The following FSTL4 variants were observed in gnomAD, a reference collection of about 807,000 sequenced individuals.
FSTL4 encodes the protein follistatin-related protein 4.
In FSTL4, 28 loss-of-function variants were observed where a neutral mutation model predicts 78.2. That is an observed-to-expected ratio of 0.36 (90% CI 0.27 to 0.49). The LOEUF (loss-of-function observed/expected upper bound fraction) is 0.49. Among genes scored for constraint, FSTL4 ranks in the 20% least tolerant of loss-of-function variants. The pLI is 0.98. For synonymous variants in FSTL4, 422 were observed against 440.5 expected (o/e 0.96, Z 0.53); for missense variants, 922 against 1,084.9 (o/e 0.85, Z 2.11).
chr5:133,354,466 T>C (rs889771302), intron 4 of FSTL4, among the ~76,000 whole-genome samples: 3 of 152,208 alleles, frequency 2.0e-5, no homozygotes, highest in Non-Finnish European at 2.9e-5. Context: ...AGTTTTGACA[T>C]GCAGAGGACA....
intron 3 of FSTL4, among the ~76,000 whole-genome samples, chr5:133,466,937 AGTGT>A (rs954482504): frequency 3.0e-4 from 45 of 148,436 alleles, no homozygotes; most frequent in African/African-American, 8.6e-4. Flanking sequence ...TGAGAATATG[AGTGT>A]GTGAGTACGA....
chr5:133,792,846 C>G, the FSTL4 span, among the ~76,000 whole-genome samples: 1 of 152,088 alleles, frequency 6.6e-6, no homozygotes, highest in Non-Finnish European at 1.5e-5. Flanking sequence ...GGGACCAAAC[C>G]TCATGGAAAG....
intron 3 of FSTL4, among the ~76,000 whole-genome samples, chr5:133,543,710 C>CT (rs1217635586): frequency 2.6e-5 from 4 of 151,656 alleles, no homozygotes; most frequent in East Asian, 3.9e-4. Flanking sequence ...ATAGCTGGGC[C>CT]TTTTTTTTCT....
the FSTL4 span, among the ~76,000 whole-genome samples, chr5:133,692,038 A>G: frequency 2.6e-5 from 4 of 152,362 alleles, no homozygotes; most frequent in African/African-American, 4.8e-5. Flanking sequence ...TCAAGCATCT[A>G]TAGTAAAATG....
the FSTL4 span, among the ~76,000 whole-genome samples, chr5:133,741,560 GGGCAAGAAAAGT>G: frequency 6.6e-6 from 1 of 152,190 alleles, no homozygotes; most frequent in African/African-American, 2.4e-5. Context: ...ATGGGAGCGG[GGGCAAGAAAAGT>G]GGCCAAGACA....
At chr5:133,337,166 A>G (rs970049439) in intron 4 of FSTL4, among the ~76,000 whole-genome samples, 6 of 152,174 alleles carry the variant, frequency 3.9e-5, no homozygotes, top group Admixed American at 3.3e-4. Flanking sequence ...TTGCACCAGC[A>G]TGGGGCTGTG....
intron 4 of FSTL4, among the ~76,000 whole-genome samples, chr5:133,329,794 C>T (rs1289464056): frequency 3.9e-5 from 6 of 152,172 alleles, no homozygotes; most frequent in East Asian, 3.8e-4. Context: ...ATCAAGTTGA[C>T]GTTCAGTATT....
chr5:133,239,104 C>T (rs910414515), intron 7 of FSTL4, among the ~76,000 whole-genome samples: 7 of 152,202 alleles, frequency 4.6e-5, no homozygotes, highest in Non-Finnish European at 7.4e-5. Flanking sequence ...CGGCAAGCCC[C>T]GGGCAGTGAG....
intron 3 of FSTL4, among the ~76,000 whole-genome samples, chr5:133,469,273 A>G (rs184442298): frequency 5.3e-5 from 8 of 152,322 alleles, no homozygotes; most frequent in Admixed American, 4.6e-4. Flanking sequence ...AATGCCGCCA[A>G]TTCTGAAGAC....
chr5:133,575,044 T>A lies in FSTL4; in HGVS notation c.127-7825A>T, dbSNP rs1760248766. On this transcript the variant is annotated intron_variant, in intron 2 of 15. Coordinates refer to ENST00000265342, the MANE Select transcript of FSTL4 (RefSeq NM_015082.2). The stretch of plus-strand genomic sequence containing the variant: ...AAGTGCTACACTCAGAATATGTGTC[T>A]TTACTATATATTTGATATGCTCCAG... 3.9e-5 allele frequency: 6 copies of A among 152,146 alleles called. No individual in the cohort carries two copies. The South Asian group carries it at 1.2e-3, about 32-fold the overall frequency. The allele number at this position is 152,146 out of a possible 1,614,324, so 9.4% of individuals were successfully genotyped here.
At position 133,583,304 on chromosome 5, in the gene FSTL4, G is replaced by A. The variant is rs576593067; in HGVS notation, c.127-16085C>T. The A allele has an allele frequency of 2.5e-4, 66 of 266,302 alleles. 10 individuals are homozygous for A. The highest frequency in any genetic ancestry group is 1.3e-3 in the African/African-American group (47 of 35,786). The allele number at this position is 266,302 out of a possible 1,614,324, so 16.5% of individuals were successfully genotyped here. ...CAAGGCCCCAGGAGGAGCCAAGATG[G>A]CCGAATAGGAACAGCTCCGGTCTAC... On this transcript the variant is annotated intron_variant, in intron 2 of 15. Transcript: ENST00000265342.
the FSTL4 span, among the ~76,000 whole-genome samples, chr5:133,737,890 A>T: frequency 3.3e-5 from 5 of 152,238 alleles, no homozygotes; most frequent in African/African-American, 1.2e-4. Context: ...GGCGTGAGCC[A>T]CCGCGCCCGG....
chr5:133,636,048 G>C, the FSTL4 span, among the ~76,000 whole-genome samples: 1 of 152,160 alleles, frequency 6.6e-6, no homozygotes, highest in African/African-American at 2.4e-5. Flanking sequence ...GGCCCAGGTC[G>C]GCACCTGGCC....
chr5:133,221,891 GTTTTTTTT>G (rs59400068), intron 11 of FSTL4, among the ~76,000 whole-genome samples: 4,471 of 43,194 alleles, frequency 0.1, 190 homozygotes, highest in South Asian at 0.24. Context: ...CTCTTTTCTA[GTTTTTTTT>G]TTTTTTTTTT....
At chr5:133,457,939 G>A (rs190368744) in intron 3 of FSTL4, 5 of 152,286 alleles carry the variant, frequency 3.3e-5, no homozygotes, top group East Asian at 1.9e-4. Flanking sequence ...GACCGAGTCC[G>A]GGAGGAAGGG....
intron 4 of FSTL4, among the ~76,000 whole-genome samples, chr5:133,339,430 C>T (rs982611841): frequency 2.6e-5 from 4 of 152,106 alleles, no homozygotes; most frequent in African/African-American, 9.7e-5. Context: ...ATCCTGACCA[C>T]TCCTGGCTGG....
the FSTL4 span, among the ~76,000 whole-genome samples, chr5:133,832,230 G>C: frequency 6.6e-6 from 1 of 152,168 alleles, no homozygotes; most frequent in Non-Finnish European, 1.5e-5. Context: ...TTACTCTAAA[G>C]GAAGCTGTGA....
chr5:133,700,879 T>C, the FSTL4 span, among the ~76,000 whole-genome samples: 2 of 152,222 alleles, frequency 1.3e-5, no homozygotes, highest in Admixed American at 1.3e-4. Context: ...ATTTGGAAGT[T>C]CCATAGGACT....
At chr5:133,261,848 C>T (rs1266027497) in intron 6 of FSTL4, among the ~76,000 whole-genome samples, 2 of 152,078 alleles carry the variant, frequency 1.3e-5, no homozygotes, top group Admixed American at 1.3e-4. Flanking sequence ...AATAATTAGC[C>T]GGGCATGGTG....
Sources: gnomAD v4.1 joint callset for allele counts (sites outside exome capture counted in the v4.1 genomes callset) on GRCh38, gnomAD v4.1.1 for gene constraint, MANE v1.5 for transcripts, NCBI Gene and HGNC (gene_info 2026-07-23, HGNC 2026-07-21) for gene names.